Variants in SIRT1 observed in about 807,000 individuals in gnomAD.
SIRT1 encodes sirtuin 1.
Under a neutral mutation model 67.9 loss-of-function variants are expected in SIRT1, and 24 were observed. The ratio of observed to expected loss-of-function variants is 0.35; its 90% CI spans 0.26 to 0.50. SIRT1 has a LOEUF of 0.50. SIRT1 is among the 20% of genes least tolerant of loss of function. The pLI is 0.98. For missense variants in SIRT1, 873 were observed against 937.2 expected, an observed-to-expected ratio of 0.93 and a Z score of 0.89; for synonymous variants, 378 against 350.7, an observed-to-expected ratio of 1.08 and a Z score of -0.87.
chr10:67,891,697 C>G (rs1207974888), intron 4 of SIRT1, 143 bp downstream of exon 4: 1 of 773,652 alleles, frequency 1.3e-6, no homozygotes, highest in African/African-American at 1.7e-5. Flanking sequence ...CTCATTATGG[C>G]TAGAATTCCT....
intron 7 of SIRT1, 22 bp downstream of exon 7, chr10:67,909,464 G>A (rs1182960809): frequency 6.3e-7 from 1 of 1,586,122 alleles, no homozygotes; most frequent in East Asian, 2.2e-5. Context: ...ATGGTTTTTG[G>A]AGAACATTTC....
At chr10:67,904,117 T>G (rs1161782837) in intron 4 of SIRT1, among the ~76,000 whole-genome samples, 4 of 144,474 alleles carry the variant, frequency 2.8e-5, no homozygotes, top group Admixed American at 2.1e-4. Flanking sequence ...TTTTTTAGTT[T>G]TTTTTGTTTG....
chr10:67,909,207 G>C (rs143151381), intron 6 of SIRT1, 49 bp from the exon 7 acceptor site: 1 of 1,266,264 alleles, frequency 7.9e-7, no homozygotes, highest in East Asian at 2.4e-5. Flanking sequence ...TTTCTAACTT[G>C]GGCTTACTCT....
At chr10:67,888,527 T>C (rs1842521032) in intron 2 of SIRT1, among the ~76,000 whole-genome samples, 1 of 152,216 alleles carries the variant, frequency 6.6e-6, no homozygotes, top group African/African-American at 2.4e-5. Flanking sequence ...TAGTACAGGC[T>C]TTTAGGACTG....
At position 67,887,537 on chromosome 10, in the gene SIRT1, T is replaced by C; in HGVS notation, c.547+4T>C. The C allele has an allele frequency of 1.3e-6, 2 of 1,567,590 alleles. No homozygotes were observed. The highest frequency in any genetic ancestry group is 1.8e-6 in the Non-Finnish European group (2 of 1,137,830). On this transcript the variant is annotated splice_donor_region_variant and intron_variant, in intron 2 of 8. Transcript: ENST00000212015. ...TGGACTCCAAGGCCACGGATAGGTA[T>C]GGCTCAGAGCTGTTAATTTTAGAGA...
intron 3 of SIRT1, among the ~76,000 whole-genome samples, chr10:67,891,043 AC>A (rs561892682): frequency 1.9e-4 from 28 of 144,526 alleles, no homozygotes; most frequent in East Asian, 1.9e-3. Context: ...AAAAAAAAAA[AC>A]AAAAAAAAAA....
chr10:67,904,135 T>TTG (rs1554890922), intron 4 of SIRT1, among the ~76,000 whole-genome samples: 7 of 150,088 alleles, frequency 4.7e-5, no homozygotes, highest in African/African-American at 1.7e-4. Flanking sequence ...TTGTTTTTTT[T>TTG]TTTTTTTTTT....
chr10:67,886,717 TGTA>T (rs1444612729), intron 1 of SIRT1, among the ~76,000 whole-genome samples: 12 of 152,142 alleles, frequency 7.9e-5, no homozygotes, highest in East Asian at 1.9e-4. Flanking sequence ...CAGAGGTACT[TGTA>T]GTATTGTGTA....
chr10:67,912,796 T>G lies in SIRT1; in HGVS notation c.1680T>G (p.Ala560=). The change falls in exon 8 of 9, where the codon GCT becomes GCG. Residue 560 remains alanine (A), a synonymous_variant. Coordinates refer to ENST00000212015, the MANE Select transcript of SIRT1 (RefSeq NM_012238.5). The part of the protein sequence containing the change: ...SVIVTLLDQA[A]KSNDDLDVSE... ...TTGTCACACTTTTAGACCAAGCAGCTAAGAGTAATGATGATTTAGATGTGT... is the reference window on the plus strand; with the variant it reads ...TTGTCACACTTTTAGACCAAGCAGCGAAGAGTAATGATGATTTAGATGTGT... The G allele has an allele frequency of 6.2e-7, 1 of 1,614,114 alleles. No homozygotes were observed. Among genetic ancestry groups the G allele is most frequent in the East Asian group, 2.2e-5 (1 of 44,868 alleles).
At chr10:67,900,736 G>A (rs10823108) in intron 4 of SIRT1, among the ~76,000 whole-genome samples, 11,476 of 152,142 alleles carry the variant, frequency 0.075, 710 homozygotes, top group East Asian at 0.3. Context: ...TAACTATCAG[G>A]TTAGGCCTGT....
At chr10:67,888,477 A>G (rs998170393) in intron 2 of SIRT1, among the ~76,000 whole-genome samples, 5 of 152,194 alleles carry the variant, frequency 3.3e-5, no homozygotes, top group African/African-American at 1.2e-4. Flanking sequence ...AGTTATGTAT[A>G]GATTTTCATT....
intron 1 of SIRT1, among the ~76,000 whole-genome samples, chr10:67,885,941 CT>C (rs766544980): frequency 0.064 from 6,133 of 95,504 alleles, 45 homozygotes; most frequent in East Asian, 0.12. Context: ...TTGAAGGTTT[CT>C]TTTTTTTTTT....
intron 7 of SIRT1, among the ~76,000 whole-genome samples, chr10:67,911,874 G>T (rs376958618): frequency 2.9e-4 from 41 of 142,406 alleles, no homozygotes; most frequent in African/African-American, 4.4e-4. Flanking sequence ...CCGTGTTCAA[G>T]CAGTTCTCCT....
At chr10:67,895,549 T>A in intron 4 of SIRT1, among the ~76,000 whole-genome samples, 1 of 152,172 alleles carries the variant, frequency 6.6e-6, no homozygotes, top group South Asian at 2.1e-4. Context: ...AGGCAGAAAG[T>A]TCACTAAAGT....
intron 4 of SIRT1, among the ~76,000 whole-genome samples, chr10:67,904,370 C>T (rs1179020498): frequency 6.6e-6 from 1 of 151,524 alleles, no homozygotes; most frequent in African/African-American, 2.4e-5. Flanking sequence ...CTCCTGGTCT[C>T]AAGTAACCTG....
chr10:67,912,021 C>T (rs1392641043), intron 7 of SIRT1, among the ~76,000 whole-genome samples: 1 of 152,122 alleles, frequency 6.6e-6, no homozygotes, highest in African/African-American at 2.4e-5. Flanking sequence ...GCCTCGGCCT[C>T]CCAAAGTGCT....
intron 5 of SIRT1, among the ~76,000 whole-genome samples, 174 bp from the exon 6 acceptor site, chr10:67,907,872 A>G (rs1479532248): frequency 6.6e-6 from 1 of 152,240 alleles, no homozygotes; most frequent in Non-Finnish European, 1.5e-5. Flanking sequence ...ATTCTCCTGT[A>G]GTATATCACA....
intron 8 of SIRT1, among the ~76,000 whole-genome samples, chr10:67,913,478 G>C (rs1012232506): frequency 6.6e-6 from 1 of 152,190 alleles, no homozygotes; most frequent in Non-Finnish European, 1.5e-5. Flanking sequence ...TTTATGCTTA[G>C]AGCCTGCCCC....
In SIRT1 at chr10:67,917,877, AT is replaced by A. The variant is rs1331957174; in HGVS notation, c.*1286del. 2 of 152,580 alleles carry A rather than the reference AT, an allele frequency of 1.3e-5. No homozygotes were observed. Among genetic ancestry groups the A allele is most frequent in the African/African-American group, 4.8e-5 (2 of 41,468 alleles). The allele number at this position is 152,580 out of a possible 1,614,324, so 9.5% of individuals were successfully genotyped here. A position where few individuals can be genotyped will look rare whatever the true frequency, so the allele number is the denominator to read the frequency against. ...TTTCAAGAAGTTCATACTTTATGAA[AT>A]TGCACAGTAAGCATTTATTTTTCAG... On this transcript the variant is annotated 3_prime_UTR_variant, in exon 9 of 9. Coordinates refer to ENST00000212015, the MANE Select transcript of SIRT1 (RefSeq NM_012238.5).
Sources: allele counts gnomAD v4.1 joint callset (sites outside exome capture counted in the v4.1 genomes callset), GRCh38; gene constraint gnomAD v4.1.1; transcripts MANE v1.5; gene names NCBI Gene and HGNC (gene_info 2026-07-23, HGNC 2026-07-21).